Variants in TRIM37 observed in about 807,000 individuals in gnomAD.
The protein encoded by TRIM37 is tripartite motif containing 37, also known as E3 ubiquitin-protein ligase TRIM37.
A neutral mutation model predicts 129.8 loss-of-function variants in TRIM37; 80 were observed. That is an observed-to-expected ratio of 0.62 (90% confidence interval 0.51 to 0.74). The LOEUF is 0.74. Among genes scored for constraint, TRIM37 ranks in the 30% least tolerant of loss-of-function variants. TRIM37 has a pLI of 0.00. For synonymous variants in TRIM37, 389 were observed against 387.1 expected (o/e 1.00, Z -0.06); for missense variants, 1,054 against 1,176.5 (o/e 0.90, Z 1.52).
At chr17:59,041,967 A>C in intron 16 of TRIM37, 69 bp from the exon 17 acceptor site, 3 of 1,056,060 alleles carry the variant, frequency 2.8e-6, no homozygotes, top group Non-Finnish European at 4.4e-6. Context: ...CACCTCAATA[A>C]ATTTTATGAT....
At chr17:59,069,221 C>T (rs978811962) in intron 9 of TRIM37, among the ~76,000 whole-genome samples, 4 of 151,904 alleles carry the variant, frequency 2.6e-5, no homozygotes, top group African/African-American at 7.3e-5. Flanking sequence ...GTGGTGCATG[C>T]CTATATTCCC....
chr17:59,011,926 G>C (rs1039138218), intron 22 of TRIM37, among the ~76,000 whole-genome samples: 6 of 152,120 alleles, frequency 3.9e-5, no homozygotes, highest in African/African-American at 1.2e-4. Context: ...ATTCAACTTT[G>C]TATTAATAAA....
chr17:59,050,933 T>C (rs902443006), intron 14 of TRIM37, among the ~76,000 whole-genome samples: 6 of 152,018 alleles, frequency 3.9e-5, no homozygotes, highest in Admixed American at 6.6e-5. Flanking sequence ...TGAGCCGAGA[T>C]TGCACCACTG....
At chr17:58,997,788 G>A (rs1198696138), downstream of TRIM37, among the ~76,000 whole-genome samples, 2 of 152,200 alleles carry the variant, frequency 1.3e-5, no homozygotes, top group East Asian at 1.9e-4. Context: ...AGTAGGACAA[G>A]CAGAGAGTGG....
At chr17:59,064,463 C>A in intron 9 of TRIM37, 58 bp from the exon 10 acceptor site, 2 of 1,346,030 alleles carry the variant, frequency 1.5e-6, no homozygotes, top group South Asian at 2.7e-5. Context: ...TTCCATTTGC[C>A]TAAAAAAGCC....
At chr17:59,106,367 G>C (rs1599635274) in intron 1 of TRIM37, 74 bp downstream of exon 1, 2 of 1,593,296 alleles carry the variant, frequency 1.3e-6, no homozygotes, top group East Asian at 2.3e-5. Flanking sequence ...GGAGGACATG[G>C]GCACGACTCC....
At chr17:59,039,409 C>T (rs1238794851) in intron 17 of TRIM37, among the ~76,000 whole-genome samples, 8 of 150,884 alleles carry the variant, frequency 5.3e-5, no homozygotes, top group East Asian at 2.0e-4. Flanking sequence ...TGCGGTGGCG[C>T]AATCTCAGCT....
chr17:59,082,096 C>T (rs1039237516), intron 5 of TRIM37, among the ~76,000 whole-genome samples: 27 of 151,212 alleles, frequency 1.8e-4, no homozygotes, highest in Non-Finnish European at 3.4e-4. Context: ...ATGGTGAAAC[C>T]CCATCTCTAC....
At chr17:58,988,998 C>G in intron 24 of TRIM37, among the ~76,000 whole-genome samples, 1 of 152,180 alleles carries the variant, frequency 6.6e-6, no homozygotes, top group East Asian at 1.9e-4. Context: ...CAGGAAAGGC[C>G]TCCTTACTTT....
intron 2 of TRIM37, among the ~76,000 whole-genome samples, chr17:59,100,919 G>A (rs574863323): frequency 6.6e-6 from 1 of 151,900 alleles, no homozygotes; most frequent in Admixed American, 6.6e-5. Context: ...CTACTTGGGA[G>A]GCTGAGGCAG....
rs1020870239 is a variant in TRIM37, at chr17:59,050,676, T to TA, written c.1314+537dup. ...GAGTGAGTCCGACCTGTCTCCAAAA[T>TA]AAAAAAAAATAAAAATAAAGTGGCA... is the stretch of plus-strand genomic sequence containing the variant. On this transcript the variant is annotated intron_variant, in intron 14 of 23. Coordinates refer to ENST00000262294, the MANE Select transcript of TRIM37 (RefSeq NM_015294.6). Among the ~76,000 whole-genome samples the TA allele has an allele frequency of 1.5e-4, 22 of 150,126 alleles. No homozygotes were observed. The Middle Eastern group carries it at 0.01, about 70-fold the overall frequency.
chr17:59,021,171 C>T (rs1305440350), intron 19 of TRIM37, among the ~76,000 whole-genome samples: 1 of 152,162 alleles, frequency 6.6e-6, no homozygotes, highest in Admixed American at 6.5e-5. Flanking sequence ...TCAAGTGGAT[C>T]ATTTGAGGTC....
At chr17:58,984,480 T>C (rs2031608500) in intron 24 of TRIM37, 1 of 152,646 alleles carries the variant, frequency 6.6e-6, no homozygotes, top group Non-Finnish European at 1.5e-5. Context: ...ATTTATTCAC[T>C]CAGTGAACAT....
chr17:59,032,527 G>A (rs1477302116), intron 17 of TRIM37, among the ~76,000 whole-genome samples: 9 of 86,786 alleles, frequency 1.0e-4, no homozygotes, highest in South Asian at 5.3e-4. Context: ...GCGAGACTCC[G>A]TCTCAAAAAA....
chr17:59,076,155 G>T (rs957256755), intron 7 of TRIM37, among the ~76,000 whole-genome samples: 22 of 152,076 alleles, frequency 1.4e-4, no homozygotes, highest in Non-Finnish European at 2.9e-5. Context: ...GTCAGCAAAA[G>T]GTCTGTCCTG....
intron 13 of TRIM37, among the ~76,000 whole-genome samples, chr17:59,053,488 T>C (rs938848147): frequency 6.6e-6 from 1 of 152,156 alleles, no homozygotes; most frequent in South Asian, 2.1e-4. Flanking sequence ...TTGAGTTCCC[T>C]GTGGACAAAA....
chr17:59,064,297 T>G, intron 10 of TRIM37, 58 bp downstream of exon 10: 1 of 1,330,240 alleles, frequency 7.5e-7, no homozygotes, highest in Non-Finnish European at 1.1e-6. Context: ...AAAGAATACC[T>G]TTCTGGCTCT....
intron 22 of TRIM37, among the ~76,000 whole-genome samples, chr17:59,003,922 T>TAAAAAAAAAAAAAAAAAAA (rs60843441): frequency 1.1e-5 from 1 of 89,580 alleles, no homozygotes; most frequent in Non-Finnish European, 2.2e-5. Context: ...CCCATCTCTA[T>TAAAAAAAAAAAAAAAAAAA]AAAAAAAAAA....
intron 10 of TRIM37, among the ~76,000 whole-genome samples, chr17:59,063,855 A>ACC: frequency 6.6e-6 from 1 of 152,242 alleles, no homozygotes; most frequent in East Asian, 1.9e-4. Context: ...TCTTATTTAA[A>ACC]ATGGTTCCTC....
Sources: gnomAD v4.1 joint callset for allele counts (sites outside exome capture counted in the v4.1 genomes callset) on GRCh38, gnomAD v4.1.1 for gene constraint, MANE v1.5 for transcripts, NCBI Gene and HGNC (gene_info 2026-07-23, HGNC 2026-07-21) for gene names.